Variants in UPP2 observed in about 807,000 individuals in gnomAD.
The protein encoded by UPP2 is uridine phosphorylase 2.
Under a neutral mutation model 26.7 loss-of-function variants are expected in UPP2, and 23 were observed. That is an observed-to-expected ratio of 0.86 (90% CI 0.62 to 1.22). The LOEUF (loss-of-function observed/expected upper bound fraction) is 1.22. Ranked by LOEUF, UPP2 falls within the 50% of genes most tolerant of loss-of-function variation. The pLI, the probability that UPP2 is intolerant of heterozygous loss-of-function variation, is 0.00. For missense variants in UPP2, 387 were observed against 396.7 expected, an observed-to-expected ratio of 0.98 and a Z score of 0.21; for synonymous variants, 127 against 141.3, an observed-to-expected ratio of 0.90 and a Z score of 0.72.
chr2:158,021,976 T>A (rs922109586), intron 3 of UPP2, among the ~76,000 whole-genome samples: 23 of 152,070 alleles, frequency 1.5e-4, no homozygotes, highest in Admixed American at 9.8e-4. Flanking sequence ...TCCATATACA[T>A]TTCCTGACAA....
At chr2:158,128,766 T>G (rs1456277939) in intron 6 of UPP2, among the ~76,000 whole-genome samples, 2 of 152,148 alleles carry the variant, frequency 1.3e-5, no homozygotes, top group Non-Finnish European at 2.9e-5. Context: ...TAAAAGTCAA[T>G]GCAGATTTTT....
At chr2:158,016,965 G>A (rs1201248825) in intron 3 of UPP2, among the ~76,000 whole-genome samples, 1 of 152,100 alleles carries the variant, frequency 6.6e-6, no homozygotes, top group African/African-American at 2.4e-5. Flanking sequence ...ATCTTAATAA[G>A]CCAAGATACT....
chr2:158,090,958 C>CT (rs1392574234), intron 3 of UPP2, among the ~76,000 whole-genome samples: 1 of 152,118 alleles, frequency 6.6e-6, no homozygotes, highest in Non-Finnish European at 1.5e-5. Flanking sequence ...AACTCTGTAC[C>CT]TTCAGTGAAA....
At chr2:158,030,219 G>A (rs1172262677) in intron 3 of UPP2, among the ~76,000 whole-genome samples, 1 of 152,122 alleles carries the variant, frequency 6.6e-6, no homozygotes, top group Non-Finnish European at 1.5e-5. Context: ...TTTTGAGAAT[G>A]TACAAAATTA....
intron 3 of UPP2, among the ~76,000 whole-genome samples, chr2:158,085,695 AG>A (rs1682803977): frequency 6.6e-6 from 1 of 152,102 alleles, no homozygotes; most frequent in Admixed American, 6.6e-5. Flanking sequence ...GATTTTGCTG[AG>A]GGTTTTAATC....
At chr2:158,122,724 A>G (rs1191755548) in intron 5 of UPP2, among the ~76,000 whole-genome samples, 3 of 152,210 alleles carry the variant, frequency 2.0e-5, no homozygotes, top group Non-Finnish European at 4.4e-5. Flanking sequence ...ACACCAGTAT[A>G]TGCATGACAG....
intron 6 of UPP2, among the ~76,000 whole-genome samples, chr2:158,133,171 G>A (rs1276315096): frequency 6.6e-6 from 1 of 152,162 alleles, no homozygotes; most frequent in Non-Finnish European, 1.5e-5. Context: ...TATACACAAT[G>A]AAATACTACT....
intron 5 of UPP2, 89 bp downstream of exon 5, chr2:158,121,707 C>A: frequency 8.5e-7 from 1 of 1,179,320 alleles, no homozygotes; most frequent in South Asian, 1.5e-5. Context: ...AACAACTCTA[C>A]TTAAGAAAAT....
chr2:158,128,849 T>C (rs1161080672), intron 6 of UPP2, among the ~76,000 whole-genome samples: 1 of 151,210 alleles, frequency 6.6e-6, no homozygotes, highest in African/African-American at 2.5e-5. Flanking sequence ...CACATACCAA[T>C]TGACTTAGTG....
At chr2:158,018,282 A>C (rs1683692657) in intron 3 of UPP2, among the ~76,000 whole-genome samples, 1 of 152,238 alleles carries the variant, frequency 6.6e-6, no homozygotes, top group South Asian at 2.1e-4. Context: ...TTGTTTACAG[A>C]ATTCAGAAGT....
chr2:158,107,403 G>A (rs1015624022), intron 2 of UPP2, among the ~76,000 whole-genome samples: 9 of 152,204 alleles, frequency 5.9e-5, no homozygotes, highest in Non-Finnish European at 1.0e-4. Flanking sequence ...GTTCAGAGAG[G>A]TGGAGGAAGG....
At chr2:158,062,134 A>C (rs1217822247) in intron 3 of UPP2, among the ~76,000 whole-genome samples, 1 of 152,222 alleles carries the variant, frequency 6.6e-6, no homozygotes, top group Non-Finnish European at 1.5e-5. Flanking sequence ...TAAGCCCTTT[A>C]CGGAAAAGTT....
rs745722935 is a variant in UPP2 at position 158,071,255 on chromosome 2, C to T, written c.148-30785C>T. Reference sequence around the variant, plus strand: ...CCACAACCCCAGGCAGTGCAACTCGCAGCAACAAAAGTGACTCCTTCCAGC... The same window carrying T: ...CCACAACCCCAGGCAGTGCAACTCGTAGCAACAAAAGTGACTCCTTCCAGC... On this transcript the variant is annotated intron_variant, in intron 3 of 9. Transcript: ENST00000605860. 6.6e-4 allele frequency among the ~76,000 whole-genome samples: 101 copies of T among 152,160 alleles called. 2 individuals carry two copies. Among genetic ancestry groups the T allele is most frequent in the South Asian group, 1.5e-3 (7 of 4,820 alleles).
chr2:158,102,700 A>G (rs1683101760), intron 1 of UPP2, among the ~76,000 whole-genome samples: 1 of 152,188 alleles, frequency 6.6e-6, no homozygotes, highest in African/African-American at 2.4e-5. Flanking sequence ...CAGAGCATTA[A>G]TCATCATGAG....
At chr2:158,111,395 A>G (rs1446697628) in intron 2 of UPP2, among the ~76,000 whole-genome samples, 1 of 152,256 alleles carries the variant, frequency 6.6e-6, no homozygotes, top group East Asian at 1.9e-4. Flanking sequence ...TGATATTAAT[A>G]TAGTCATTCC....
intron 3 of UPP2, among the ~76,000 whole-genome samples, chr2:158,082,011 T>C (rs2105195354): frequency 6.6e-6 from 1 of 151,806 alleles, no homozygotes; most frequent in East Asian, 1.9e-4. Flanking sequence ...GCAGTGGCTC[T>C]ATCTCGGCTC....
intron 3 of UPP2, among the ~76,000 whole-genome samples, chr2:158,082,688 C>T (rs992491726): frequency 6.6e-6 from 1 of 152,126 alleles, no homozygotes; most frequent in African/African-American, 2.4e-5. Flanking sequence ...GCAATGGCAA[C>T]AAAAGCCAAA....
chr2:158,120,649 A>T (rs1357642599), intron 4 of UPP2, among the ~76,000 whole-genome samples: 2 of 152,126 alleles, frequency 1.3e-5, no homozygotes, highest in East Asian at 3.9e-4. Context: ...TAGAAACCAG[A>T]CTGGGTCAAA....
chr2:158,037,354 A>G (rs897511257), intron 3 of UPP2, among the ~76,000 whole-genome samples: 5 of 152,142 alleles, frequency 3.3e-5, no homozygotes, highest in South Asian at 4.2e-4. Context: ...CAGCCTGGGC[A>G]ACAGGCTGGA....
Sources: gnomAD v4.1 joint callset for allele counts (sites outside exome capture counted in the v4.1 genomes callset) on GRCh38, gnomAD v4.1.1 for gene constraint, MANE v1.5 for transcripts, NCBI Gene and HGNC (gene_info 2026-07-23, HGNC 2026-07-21) for gene names.